NBR1: variants seen among roughly 807,000 people sequenced by gnomAD.
NBR1 encodes the protein NBR1 autophagy cargo receptor, also known as next to BRCA1 gene 1 protein.
NBR1 carries 59 observed loss-of-function variants against 115.5 expected under a neutral mutation model. The observed-to-expected ratio is 0.51, with a 90% CI of 0.41 to 0.63. The LOEUF is 0.63. Ranked by LOEUF, NBR1 falls within the 30% of genes least tolerant of loss-of-function variation. NBR1 has a pLI of 0.00. For missense variants in NBR1, 1,043 were observed against 1,150.5 expected, an observed-to-expected ratio of 0.91 and a Z score of 1.35; for synonymous variants, 373 against 414.7, an observed-to-expected ratio of 0.90 and a Z score of 1.22.
intron 2 of NBR1, among the ~76,000 whole-genome samples, chr17:43,177,659 A>G (rs967974966): frequency 1.5e-4 from 22 of 150,354 alleles, no homozygotes; most frequent in African/African-American, 5.2e-4. Context: ...CATTGCTTCA[A>G]TTTGCATTGT....
intron 3 of NBR1, among the ~76,000 whole-genome samples, chr17:43,178,699 A>G (rs1453042845): frequency 2.0e-5 from 3 of 151,728 alleles, no homozygotes; most frequent in African/African-American, 7.3e-5. Flanking sequence ...AAAATTATAT[A>G]GTGACCTTAA....
Position 43,201,760 on chromosome 17 carries a change from T to C in NBR1, c.2543T>C (p.Val848Ala). 6.3e-7 allele frequency: 1 copy of C among 1,595,318 alleles called. No individual in the cohort carries two copies. ...LPVTIPEVSS[V>A]PDQIRGEPRG... ...GTTACCATACCAGAAGTTTCTTCAG[T>C]CCCTGATCAGATCAGAGGAGGTAAT... is the stretch of plus-strand genomic sequence containing the variant. Residue 848 changes from valine (V) to alanine (A), a missense_variant, in exon 18 of 21, where the codon GTC becomes GCC. Physicochemically the swap from Val to Ala is moderately conservative, Grantham distance 64. Transcript: ENST00000590996.
At position 43,188,245 on chromosome 17, in the gene NBR1, G is replaced by C. The variant is rs573309788; in HGVS notation, c.403-797G>C. ...ATGAGCTTTTTTTCATAGGTTTGTT[G>C]GCCGAATAAATGTCTTCTTTTGAGA... On this transcript the variant is annotated intron_variant, in intron 6 of 20. Transcript: ENST00000590996. Among the ~76,000 whole-genome samples the C allele has an allele frequency of 5.3e-5, 8 of 152,226 alleles. No homozygotes were observed. In the East Asian group the frequency reaches 1.5e-3, roughly 29 times the overall value.
Position 43,195,017 on chromosome 17 carries a change from A to G in NBR1, c.1728A>G (p.Arg576=). The change falls in exon 14 of 21, where the codon AGA becomes AGG. Residue 576 remains arginine, a synonymous_variant. Coordinates refer to ENST00000590996, the MANE Select transcript of NBR1 (RefSeq NM_005899.5). ...TAAACATTGTTCAAGAGTTGGAGAG[A>G]GTGCCCCACAACACCCCTGTGGGTA... is the stretch of plus-strand genomic sequence containing the variant. The part of the protein sequence containing the change: ...LDINIVQELE[R]VPHNTPVDVT... 4.3e-6 allele frequency: 7 copies of G among 1,613,632 alleles called. No homozygotes were observed. Among genetic ancestry groups the G allele is most frequent in the Non-Finnish European group, 5.1e-6 (6 of 1,179,744 alleles).
At chr17:43,187,886 CTTTTTTTTTTTT>C (rs66857389) in intron 6 of NBR1, among the ~76,000 whole-genome samples, 1 of 58,866 alleles carries the variant, frequency 1.7e-5, no homozygotes, top group Admixed American at 2.7e-4. Context: ...TTGCATTTCT[CTTTTTTTTTTTT>C]TTTTTTTTTT....
intron 8 of NBR1, 51 bp from the exon 9 acceptor site, chr17:43,190,558 C>G: frequency 6.5e-7 from 1 of 1,540,450 alleles, no homozygotes; most frequent in Non-Finnish European, 8.8e-7. Flanking sequence ...TCTCCCTACC[C>G]CAGGTACTTC....
intron 5 of NBR1, among the ~76,000 whole-genome samples, chr17:43,182,590 C>T (rs954720118): frequency 1.3e-5 from 2 of 150,584 alleles, no homozygotes; most frequent in African/African-American, 5.0e-5. Context: ...ACTTTTTGGA[C>T]ATGGAATGCT....
chr17:43,180,117 T>A (rs758395396), intron 4 of NBR1, among the ~76,000 whole-genome samples: 19 of 152,206 alleles, frequency 1.2e-4, no homozygotes, highest in Non-Finnish European at 2.5e-4. Flanking sequence ...AAATTTTTAT[T>A]GTATATATTG....
intron 8 of NBR1, 94 bp from the exon 9 acceptor site, chr17:43,190,515 G>A (rs1474241689): frequency 3.7e-6 from 5 of 1,363,698 alleles, no homozygotes; most frequent in Middle Eastern, 1.8e-4. Flanking sequence ...CTGCTAGTTG[G>A]TACTGGAGCA....
At chr17:43,189,493 C>A in intron 7 of NBR1, 95 bp from the exon 8 acceptor site, 1 of 830,276 alleles carries the variant, frequency 1.2e-6, no homozygotes, top group Non-Finnish European at 2.0e-6. Context: ...TTGTATTATA[C>A]CAGAGACAGT....
chr17:43,197,989 T>C (rs1187932332), intron 16 of NBR1, among the ~76,000 whole-genome samples: 1 of 151,752 alleles, frequency 6.6e-6, no homozygotes, highest in Non-Finnish European at 1.5e-5. Context: ...CCATCTCTAC[T>C]AAAAATACTA....
intron 16 of NBR1, among the ~76,000 whole-genome samples, chr17:43,199,575 C>T (rs1292803867): frequency 6.6e-6 from 1 of 151,934 alleles, no homozygotes; most frequent in African/African-American, 2.4e-5. Flanking sequence ...TGGGGTTTCA[C>T]CGTGTTAGCC....
Position 43,200,265 on chromosome 17 carries a change from G to A in NBR1, c.2125G>A (p.Glu709Lys), listed in dbSNP as rs1350702247. 4 of 1,551,462 alleles carry A rather than the reference G, an allele frequency of 2.6e-6. No homozygotes were observed. Among genetic ancestry groups the A allele is most frequent in the Non-Finnish European group, 3.5e-6 (4 of 1,146,792 alleles). The change falls in exon 17 of 21, where the codon GAG becomes AAG. Residue 709 changes from glutamate (E) to lysine (K), a missense_variant. Glu to Lys is a moderately conservative substitution (Grantham distance 56, BLOSUM62 1). Coordinates refer to ENST00000590996, the MANE Select transcript of NBR1 (RefSeq NM_005899.5). ...TGTCATGGAGGAGGAGGAGGATGAGGAGGATGAGGAGGAGGAGGATGAGCT... is the reference window on the plus strand; with the variant it reads ...TGTCATGGAGGAGGAGGAGGATGAGAAGGATGAGGAGGAGGAGGATGAGCT... The part of the protein sequence containing the change: ...EAVMEEEEDE[E>K]DEEEEDELKD...
chr17:43,202,134 C>T (rs190262902), intron 18 of NBR1, among the ~76,000 whole-genome samples: 37 of 147,270 alleles, frequency 2.5e-4, no homozygotes, highest in East Asian at 1.0e-3. Flanking sequence ...GAGCCGAGAT[C>T]GCACCATTGC....
intron 5 of NBR1, among the ~76,000 whole-genome samples, chr17:43,186,003 AAAATAAATAAAT>A (rs57886411): frequency 0.3 from 44,514 of 147,034 alleles, 7,050 homozygotes; most frequent in South Asian, 0.46. Flanking sequence ...CTCCGTCTCA[AAAATAAATAAAT>A]AAATAAATAA....
chr17:43,179,545 C>T (rs1464402059), intron 4 of NBR1, 133 bp downstream of exon 4: 10 of 853,260 alleles, frequency 1.2e-5, no homozygotes, highest in Non-Finnish European at 1.9e-5. Context: ...CATTAGTTAC[C>T]TAGGGGATTT....
Position 43,201,709 on chromosome 17 carries a change from A to G in NBR1, c.2492A>G (p.His831Arg), listed in dbSNP as rs910054693. 6.2e-7 allele frequency: 1 copy of G among 1,606,738 alleles called. No homozygotes were observed. Among genetic ancestry groups the G allele is most frequent in the African/African-American group, 1.3e-5 (1 of 74,890 alleles). The change falls in exon 18 of 21, where the codon CAT becomes CGT. Residue 831 changes from histidine (H) to arginine (R), a missense_variant. His to Arg is a conservative substitution (Grantham distance 29, BLOSUM62 0). Transcript: ENST00000590996. ...AGGAGCTCTCCTTGTGTACATCATCATGGTTCCCCAGGAGTGGATTTACCA... is the reference window on the plus strand; with the variant it reads ...AGGAGCTCTCCTTGTGTACATCATCGTGGTTCCCCAGGAGTGGATTTACCA... ...LPRSSPCVHH[H>R]GSPGVDLPVT...
intron 1 of NBR1, among the ~76,000 whole-genome samples, chr17:43,174,197 A>C (rs1281957192): frequency 6.6e-6 from 1 of 152,092 alleles, no homozygotes; most frequent in African/African-American, 2.4e-5. Flanking sequence ...GGTTACAGCA[A>C]ATTGGTCCTG....
At chr17:43,206,781 G>A (rs1228193063) in intron 20 of NBR1, among the ~76,000 whole-genome samples, 3 of 152,010 alleles carry the variant, frequency 2.0e-5, no homozygotes, top group African/African-American at 7.2e-5. Context: ...AAGAAGGATA[G>A]GCTGGGCACG....
Sources: allele counts gnomAD v4.1 joint callset (sites outside exome capture counted in the v4.1 genomes callset), GRCh38; gene constraint gnomAD v4.1.1; transcripts MANE v1.5; gene names NCBI Gene and HGNC (gene_info 2026-07-23, HGNC 2026-07-21).